The following RBFOX1 variants were observed in gnomAD, a reference collection of about 807,000 sequenced individuals.
The protein encoded by RBFOX1 is RNA binding protein fox-1 homolog 1.
A neutral mutation model predicts 57.7 loss-of-function variants in RBFOX1; 8 were observed. The ratio of observed to expected loss-of-function variants is 0.14; its 90% CI spans 0.08 to 0.25. The LOEUF (loss-of-function observed/expected upper bound fraction) is 0.25, where lower values mean the gene tolerates loss of function less well. Among genes scored for constraint, RBFOX1 ranks in the 10% least tolerant of loss-of-function variants. RBFOX1 has a pLI of 1.00. For missense variants in RBFOX1, 611 were observed against 548.5 expected (o/e 1.11, Z -1.14); for synonymous variants, 326 against 222.4 (o/e 1.47, Z -4.15).
intron 1 of RBFOX1, among the ~76,000 whole-genome samples, chr16:5,316,898 A>T (rs9931192): frequency 1.3e-5 from 2 of 152,014 alleles, no homozygotes; most frequent in African/African-American, 4.8e-5. Flanking sequence ...GGGTGGGCAG[A>T]GTCCAATTGG....
At chr16:7,587,557 AAAT>A (rs1384434738) in intron 7 of RBFOX1, among the ~76,000 whole-genome samples, 1 of 152,220 alleles carries the variant, frequency 6.6e-6, no homozygotes, top group Non-Finnish European at 1.5e-5. Context: ...ATGCTTAAAA[AAAT>A]AATGATGTTG....
intron 3 of RBFOX1, among the ~76,000 whole-genome samples, chr16:6,658,820 T>A (rs1336354611): frequency 1.3e-5 from 2 of 152,136 alleles, no homozygotes; most frequent in Non-Finnish European, 2.9e-5. Flanking sequence ...TCCTGGCCAT[T>A]GCTTAAACTC....
At chr16:5,732,455 A>C (rs2052413198) in intron 3 of RBFOX1, among the ~76,000 whole-genome samples, 1 of 152,188 alleles carries the variant, frequency 6.6e-6, no homozygotes, top group Non-Finnish European at 1.5e-5. Context: ...CAAACTGCAG[A>C]ACAGGAGCGA....
chr16:7,160,776 C>A (rs896973722), intron 4 of RBFOX1, among the ~76,000 whole-genome samples: 1 of 148,070 alleles, frequency 6.8e-6, no homozygotes, highest in African/African-American at 2.5e-5. Context: ...CTCCGCCTCC[C>A]CCTTTTTTCT....
intron 15 of RBFOX1, chr16:7,709,917 A>G: frequency 9.5e-7 from 1 of 1,056,416 alleles, no homozygotes; most frequent in Admixed American, 5.4e-5. Context: ...TGCTTGGATC[A>G]AGAATATCAG....
intron 1 of RBFOX1, among the ~76,000 whole-genome samples, chr16:5,382,721 G>A (rs1223699990): frequency 6.6e-6 from 1 of 152,106 alleles, no homozygotes; most frequent in Non-Finnish European, 1.5e-5. Context: ...TGATTCAGTT[G>A]GCAAGGTTTT....
At chr16:6,192,107 C>T (rs1297089575) in intron 1 of RBFOX1, among the ~76,000 whole-genome samples, 4 of 152,314 alleles carry the variant, frequency 2.6e-5, no homozygotes, top group South Asian at 2.1e-4. Context: ...CTACCTCCTG[C>T]TCTCTCCCCT....
At chr16:7,335,769 C>T (rs1272399406) in intron 4 of RBFOX1, among the ~76,000 whole-genome samples, 3 of 152,140 alleles carry the variant, frequency 2.0e-5, no homozygotes, top group Non-Finnish European at 4.4e-5. Flanking sequence ...ATCTGCCCTA[C>T]CCTTCCTCCT....
intron 14 of RBFOX1, among the ~76,000 whole-genome samples, chr16:7,679,956 CT>C (rs1478576277): frequency 6.6e-6 from 1 of 152,108 alleles, no homozygotes; most frequent in East Asian, 1.9e-4. Context: ...AGCACTTGAC[CT>C]TCACCAAATC....
intron 1 of RBFOX1, among the ~76,000 whole-genome samples, chr16:6,119,358 A>C (rs1278532564): frequency 6.6e-6 from 1 of 152,214 alleles, no homozygotes; most frequent in Non-Finnish European, 1.5e-5. Context: ...TGTCCTTAGC[A>C]GATCACAATG....
chr16:6,906,772 G>A (rs1383857640), intron 3 of RBFOX1, among the ~76,000 whole-genome samples: 1 of 151,222 alleles, frequency 6.6e-6, no homozygotes, highest in Non-Finnish European at 1.5e-5. Flanking sequence ...GCTGAGGCTG[G>A]AGTACAGTGG....
chr16:6,573,410 C>G (rs1015033241), intron 2 of RBFOX1, among the ~76,000 whole-genome samples: 11 of 152,290 alleles, frequency 7.2e-5, no homozygotes, highest in African/African-American at 2.4e-4. Flanking sequence ...CCTGGCCTGT[C>G]TCTTGAGTAA....
At chr16:7,700,417 C>G (rs1210149628) in intron 14 of RBFOX1, among the ~76,000 whole-genome samples, 1 of 152,146 alleles carries the variant, frequency 6.6e-6, no homozygotes, top group Non-Finnish European at 1.5e-5. Context: ...AAGTAACAGT[C>G]AGTGTTTGAC....
At chr16:6,169,343 TG>T (rs1334537607) in intron 1 of RBFOX1, among the ~76,000 whole-genome samples, 2 of 149,930 alleles carry the variant, frequency 1.3e-5, no homozygotes, top group Non-Finnish European at 3.0e-5. Flanking sequence ...CGAGAAGGAG[TG>T]GAGAGAAAAG....
At chr16:7,306,420 A>T (rs920996004) in intron 4 of RBFOX1, among the ~76,000 whole-genome samples, 4 of 152,198 alleles carry the variant, frequency 2.6e-5, no homozygotes, top group African/African-American at 9.7e-5. Flanking sequence ...AAATATTTAG[A>T]AGTGACTAAA....
intron 4 of RBFOX1, among the ~76,000 whole-genome samples, chr16:5,992,716 C>T (rs1409001141): frequency 6.6e-6 from 1 of 152,156 alleles, no homozygotes; most frequent in Non-Finnish European, 1.5e-5. Context: ...GGTGGATCAC[C>T]TGAGGTCAGT....
intron 4 of RBFOX1, among the ~76,000 whole-genome samples, chr16:7,432,195 T>A (rs2098687503): frequency 6.6e-6 from 1 of 152,250 alleles, no homozygotes; most frequent in Non-Finnish European, 1.5e-5. Flanking sequence ...GGCGGAAATG[T>A]GGCTGTCTGA....
At chr16:7,261,777 G>A (rs2094928749) in intron 4 of RBFOX1, among the ~76,000 whole-genome samples, 1 of 152,188 alleles carries the variant, frequency 6.6e-6, no homozygotes, top group Non-Finnish European at 1.5e-5. Flanking sequence ...GATCACGAGA[G>A]CCTGACACTA....
chr16:6,972,218 A>C (rs745875033), intron 3 of RBFOX1, among the ~76,000 whole-genome samples: 3 of 152,120 alleles, frequency 2.0e-5, no homozygotes, highest in Non-Finnish European at 4.4e-5. Context: ...TCTAAATCTG[A>C]AACTCTGTAT....
Sources: gnomAD v4.1 joint callset for allele counts (sites outside exome capture counted in the v4.1 genomes callset) on GRCh38, gnomAD v4.1.1 for gene constraint, MANE v1.5 for transcripts, NCBI Gene and HGNC (gene_info 2026-07-23, HGNC 2026-07-21) for gene names.